KCNQ2: variants seen among roughly 807,000 people sequenced by gnomAD.
The protein encoded by KCNQ2 is potassium voltage-gated channel subfamily Q member 2.
In KCNQ2, 14 loss-of-function variants were observed where a neutral mutation model predicts 84.8. That is an observed-to-expected ratio of 0.17 (90% CI 0.11 to 0.26). The LOEUF is 0.26. Ranked by LOEUF, KCNQ2 falls within the 10% of genes least tolerant of loss-of-function variation. The pLI, the probability that KCNQ2 is intolerant of heterozygous loss-of-function variation, is 1.00. For missense variants in KCNQ2, 788 were observed against 1,254.0 expected (o/e 0.63, Z 5.61); for synonymous variants, 599 against 554.1 (o/e 1.08, Z -1.14).
At chr20:63,444,962 T>A in intron 3 of KCNQ2, 128 bp from the exon 4 acceptor site, 4 of 1,138,056 alleles carry the variant, frequency 3.5e-6, no homozygotes, top group Non-Finnish European at 4.9e-6. Flanking sequence ...GCGCCTGGTG[T>A]GGGCTCTGTC....
At chr20:63,419,166 G>GC (rs2080391190) in intron 12 of KCNQ2, among the ~76,000 whole-genome samples, 1 of 152,224 alleles carries the variant, frequency 6.6e-6, no homozygotes, top group Non-Finnish European at 1.5e-5. Flanking sequence ...CTGGCTTTCT[G>GC]GGGCTTCTGA....
chr20:63,411,839 GC>G, intron 15 of KCNQ2: 1 of 704,162 alleles, frequency 1.4e-6, no homozygotes, highest in East Asian at 2.7e-5. Context: ...TACTTCTTGT[GC>G]CGGGGAGTTG....
chr20:63,429,478 C>A (rs184559364), intron 9 of KCNQ2, among the ~76,000 whole-genome samples: 1 of 152,154 alleles, frequency 6.6e-6, no homozygotes, highest in Non-Finnish European at 1.5e-5. Context: ...ACTCCCTACG[C>A]GGCTATGGCC....
At chr20:63,435,360 C>G (rs1480250964) in intron 7 of KCNQ2, among the ~76,000 whole-genome samples, 2 of 149,206 alleles carry the variant, frequency 1.3e-5, no homozygotes, top group African/African-American at 2.5e-5. Context: ...TGCACTCCAG[C>G]CTGGGCAAGA....
intron 1 of KCNQ2, among the ~76,000 whole-genome samples, chr20:63,455,299 TC>T (rs1005104799): frequency 6.6e-6 from 1 of 152,130 alleles, no homozygotes; most frequent in Non-Finnish European, 1.5e-5. Context: ...AAGTAGCTGG[TC>T]CCCAGCCCCA....
intron 1 of KCNQ2, among the ~76,000 whole-genome samples, chr20:63,455,779 G>A (rs1333939751): frequency 2.0e-5 from 3 of 151,008 alleles, no homozygotes; most frequent in Non-Finnish European, 3.0e-5. Context: ...CCCCACCTCC[G>A]GGAGACCCCT....
At chr20:63,463,212 C>T (rs1243731194) in intron 1 of KCNQ2, among the ~76,000 whole-genome samples, 1 of 152,086 alleles carries the variant, frequency 6.6e-6, no homozygotes, top group Non-Finnish European at 1.5e-5. Flanking sequence ...CAGTGAGCTA[C>T]AATCACACCA....
At chr20:63,471,101 A>G (rs1324400697) in intron 1 of KCNQ2, 1 of 152,130 alleles carries the variant, frequency 6.6e-6, no homozygotes, top group African/African-American at 2.4e-5. Flanking sequence ...TGGGGCACAC[A>G]CCCCTCTCGG....
At chr20:63,469,557 G>A (rs1250042277) in intron 1 of KCNQ2, among the ~76,000 whole-genome samples, 6 of 152,248 alleles carry the variant, frequency 3.9e-5, no homozygotes, top group South Asian at 4.1e-4. Context: ...TGGCTACCCC[G>A]GGTCCAACAG....
rs1287805343 is a variant in KCNQ2, at chr20:63,406,977, G to A, written c.2286C>T (p.Ser762=). 1.3e-6 allele frequency: 2 copies of A among 1,537,226 alleles called. No individual in the cohort carries two copies. The highest frequency in any genetic ancestry group is 1.7e-6 in the Non-Finnish European group (2 of 1,144,450). ...LSAYGGGNRA[S]MEFLRQEDTP... ...TGTCCTCCTGCCGCAGGAACTCCATGCTGGCGCGGTTGCCCCCGCCGTAGG... is the reference window on the plus strand; with the variant it reads ...TGTCCTCCTGCCGCAGGAACTCCATACTGGCGCGGTTGCCCCCGCCGTAGG... The change falls in exon 17 of 17, where the codon AGC becomes AGT. Residue 762 remains serine (S), a synonymous_variant. Coordinates refer to ENST00000359125, the MANE Select transcript of KCNQ2 (RefSeq NM_172107.4).
At chr20:63,450,879 C>G (rs949276795) in intron 1 of KCNQ2, among the ~76,000 whole-genome samples, 1 of 152,060 alleles carries the variant, frequency 6.6e-6, no homozygotes, top group Admixed American at 6.5e-5. Flanking sequence ...TGGCGGCTCA[C>G]GCATCAGCAC....
At chr20:63,412,204 C>T (rs543825153) in intron 15 of KCNQ2, 61 of 277,764 alleles carry the variant, frequency 2.2e-4, no homozygotes, top group Middle Eastern at 1.1e-3. Context: ...GGCGGGGCAA[C>T]GGGAAACGCA....
At chr20:63,434,039 G>A in intron 7 of KCNQ2, 136 bp from the exon 8 acceptor site, 1 of 701,634 alleles carries the variant, frequency 1.4e-6, no homozygotes, top group South Asian at 1.8e-5. Flanking sequence ...GGGCCAGCAG[G>A]CCAGGCCCCA....
Position 63,402,009 on chromosome 20 carries a change from G to A in KCNQ2, c.*4635C>T. ...ATCTCTCTCCCACCACATCTGCCGGGCACCCTCCATGGCAGGTCCAAGCCC... is the reference window on the plus strand; with the variant it reads ...ATCTCTCTCCCACCACATCTGCCGGACACCCTCCATGGCAGGTCCAAGCCC... On this transcript the variant is annotated 3_prime_UTR_variant, in exon 17 of 17. Coordinates refer to ENST00000359125, the MANE Select transcript of KCNQ2 (RefSeq NM_172107.4). 1 of 149,474 alleles carries A rather than the reference G, an allele frequency of 6.7e-6. No individual in the cohort carries two copies. The highest frequency in any genetic ancestry group is 8.6e-5 in the South Asian group (1 of 11,676). 9.3% of individuals were successfully genotyped at this position (149,474 alleles called of 1,614,324 possible).
intron 12 of KCNQ2, among the ~76,000 whole-genome samples, chr20:63,418,155 C>T (rs1217024819): frequency 1.3e-5 from 2 of 152,210 alleles, no homozygotes; most frequent in African/African-American, 2.4e-5. Context: ...CAGGAGCACG[C>T]GTGGTCTCGC....
intron 1 of KCNQ2, among the ~76,000 whole-genome samples, chr20:63,451,706 C>T (rs556048564): frequency 1.2e-3 from 185 of 152,032 alleles, no homozygotes; most frequent in Admixed American, 1.8e-3. Context: ...TCCCTCTGCC[C>T]GGACCCAGTC....
At chr20:63,455,180 G>A (rs934569760) in intron 1 of KCNQ2, among the ~76,000 whole-genome samples, 1 of 152,228 alleles carries the variant, frequency 6.6e-6, no homozygotes, top group African/African-American at 2.4e-5. Context: ...GGAGGACCGA[G>A]CAGCTTCTCT....
chr20:63,438,504 G>T lies in KCNQ2; in HGVS notation c.1023+121C>A. ...CGCTCCTTCCACAGATTCCTGCAGA[G>T]GGTGAGCGCTGTGGCCCATCCACAG... On this transcript the variant is annotated intron_variant, in intron 7 of 16. Coordinates refer to ENST00000359125, the MANE Select transcript of KCNQ2 (RefSeq NM_172107.4). The surrounding 1 kb of genome is among the most constrained non-coding windows in gnomAD (Gnocchi z 5.1). 3.7e-6 allele frequency: 3 copies of T among 820,594 alleles called. No individual in the cohort carries two copies. Among genetic ancestry groups the T allele is most frequent in the Non-Finnish European group, 4.2e-6 (2 of 474,856 alleles). The allele number at this position is 820,594 out of a possible 1,614,324, so 50.8% of individuals were successfully genotyped here.
intron 4 of KCNQ2, among the ~76,000 whole-genome samples, chr20:63,443,055 CAT>C: frequency 1.2e-5 from 1 of 82,544 alleles, no homozygotes; most frequent in Non-Finnish European, 2.6e-5. Flanking sequence ...CCATCATCAG[CAT>C]CACCATCACC....
Sources: allele counts gnomAD v4.1 joint callset (sites outside exome capture counted in the v4.1 genomes callset), GRCh38; gene constraint gnomAD v4.1.1; non-coding constraint Gnocchi (gnomAD v3.1); transcripts MANE v1.5; gene names NCBI Gene and HGNC (gene_info 2026-07-23, HGNC 2026-07-21).